SYNE3: variants seen among roughly 807,000 people sequenced by gnomAD.
SYNE3 encodes the protein spectrin repeat containing nuclear envelope family member 3, also known as nesprin-3.
Under a neutral mutation model 111.2 loss-of-function variants are expected in SYNE3, and 100 were observed. The observed-to-expected ratio is 0.90, with a 90% CI of 0.77 to 1.06. The LOEUF is 1.06. Ranked by LOEUF, SYNE3 falls within the 50% of genes least tolerant of loss-of-function variation. SYNE3 has a pLI of 0.00. For synonymous variants in SYNE3, 547 were observed against 533.9 expected (o/e 1.02, Z -0.34); for missense variants, 1,160 against 1,240.3 (o/e 0.94, Z 0.97).
In SYNE3 at chr14:95,409,205, C is replaced by G. The variant is rs1903368646; in HGVS notation, c.*8621G>C. 2.2e-6 allele frequency: 1 copy of G among 456,662 alleles called. No homozygotes were observed. Among genetic ancestry groups the G allele is most frequent in the Admixed American group, 2.3e-5 (1 of 42,576 alleles). 28.3% of individuals were successfully genotyped at this position (456,662 alleles called of 1,614,324 possible). A position where few individuals can be genotyped will look rare whatever the true frequency, so the allele number is the denominator to read the frequency against. On this transcript the variant is annotated 3_prime_UTR_variant, in exon 18 of 18. Transcript: ENST00000682763. ...GCCTGGGTACAAGTCCCAAATTTAC[C>G]ACTCCCCGCCTAGCTGGCTGCTCTG...
At position 95,413,452 on chromosome 14, in the gene SYNE3, G is replaced by A. The variant is rs1197331319; in HGVS notation, c.*4374C>T. 2.0e-5 allele frequency: 3 copies of A among 152,242 alleles called. No individual in the cohort carries two copies. Among genetic ancestry groups the A allele is most frequent in the Admixed American group, 2.0e-4 (3 of 15,280 alleles). 9.4% of individuals were successfully genotyped at this position (152,242 alleles called of 1,614,324 possible). On this transcript the variant is annotated 3_prime_UTR_variant, in exon 18 of 18. Transcript: ENST00000682763. ...CAGTCAGGCCTGGCTCCAGTCTAAT[G>A]GAAGAGATAAGATCCCCTCTTTACT...
rs1888156002 is a variant in SYNE3 at position 95,466,141 on chromosome 14, G to A, written c.417C>T (p.His139=). ...CCTTCAGGCCCAGCTGGAGCTCGATGTGGGGCTCCAGTGTGACCATCATCT... is the reference window on the plus strand; with the variant it reads ...CCTTCAGGCCCAGCTGGAGCTCGATATGGGGCTCCAGTGTGACCATCATCT... ...FQKMMVTLEP[H]IELQLGLKEK... Residue 139 remains histidine, a synonymous_variant, in exon 4 of 18, where the codon CAC becomes CAT. Coordinates refer to ENST00000682763, the MANE Select transcript of SYNE3 (RefSeq NM_152592.6). 2 of 1,612,224 alleles carry A rather than the reference G, an allele frequency of 1.2e-6. No individual in the cohort carries two copies. The highest frequency in any genetic ancestry group is 8.5e-7 in the Non-Finnish European group (1 of 1,178,482).
intron 1 of SYNE3, among the ~76,000 whole-genome samples, chr14:95,481,602 ACTTACCT>A (rs1167268576): frequency 6.6e-6 from 1 of 152,154 alleles, no homozygotes; most frequent in African/African-American, 2.4e-5. Context: ...CCAGCCGACT[ACTTACCT>A]CTGGTCCTGC....
At position 95,467,914 on chromosome 14, in the gene SYNE3, C is replaced by T. The variant is rs1888291080; in HGVS notation, c.198G>A (p.Arg66=). The T allele has an allele frequency of 6.2e-7, 1 of 1,614,186 alleles. No individual in the cohort carries two copies. Among genetic ancestry groups the T allele is most frequent in the Admixed American group, 1.7e-5 (1 of 60,032 alleles). ...EGRVRVDLVL[R]MAEALLACCP... ...AGCATGCCAAGAGGGCTTCAGCCAT[C>T]CGTAGCACGAGGTCCACCCTCACAC... The change falls in exon 3 of 18, where the codon CGG becomes CGA. Residue 66 remains arginine (R), a synonymous_variant. Transcript: ENST00000682763.
At chr14:95,497,641 G>C (rs1402866868) in intron 1 of SYNE3, among the ~76,000 whole-genome samples, 1 of 152,154 alleles carries the variant, frequency 6.6e-6, no homozygotes, top group Non-Finnish European at 1.5e-5. Flanking sequence ...TTCTGGAGAC[G>C]GTCAGAGAGC....
At chr14:95,493,933 C>A (rs1889964715) in intron 1 of SYNE3, among the ~76,000 whole-genome samples, 1 of 152,048 alleles carries the variant, frequency 6.6e-6, no homozygotes, top group Admixed American at 6.6e-5. Context: ...AATATTCATT[C>A]CTGTTTTATA....
Position 95,455,422 on chromosome 14 carries a change from T to G in SYNE3, c.1092A>C (p.Lys364Asn). 6.4e-7 allele frequency: 1 copy of G among 1,573,062 alleles called. No individual in the cohort carries two copies. Among genetic ancestry groups the G allele is most frequent in the African/African-American group, 1.4e-5 (1 of 73,346 alleles). ...LAQEGLQPAA[K>N]AGTEDELVAH... ...CCACCAGCTCGTCCTCGGTCCCCGC[T>G]TTCGCCGCAGGCTGCAGGCCCTCCT... Residue 364 changes from lysine (K) to asparagine (N), a missense_variant, in exon 6 of 18, where the codon AAA becomes AAC. Lys to Asn is a moderately conservative substitution (Grantham distance 94). Transcript: ENST00000682763.
rs144850938 is a variant in SYNE3, at chr14:95,426,564, C to T, written c.2727+5515G>A. 9.8e-3 allele frequency among the ~76,000 whole-genome samples: 1,498 copies of T among 152,188 alleles called. 25 individuals carry two copies. The highest frequency in any genetic ancestry group is 0.034 in the African/African-American group (1,391 of 41,488). On this transcript the variant is annotated intron_variant, in intron 17 of 17. Transcript: ENST00000682763. ...CACGTGTTCCCAGCACAGTGCCTGACACACAAGAGGGATTTTTGCAAAAAA... is the reference window on the plus strand; with the variant it reads ...CACGTGTTCCCAGCACAGTGCCTGATACACAAGAGGGATTTTTGCAAAAAA...
At chr14:95,503,253 C>T (rs748713845) in intron 1 of SYNE3, among the ~76,000 whole-genome samples, 1 of 152,226 alleles carries the variant, frequency 6.6e-6, no homozygotes, top group Non-Finnish European at 1.5e-5. Flanking sequence ...CCTCACCTAC[C>T]ATGCAGGGTA....
intron 1 of SYNE3, among the ~76,000 whole-genome samples, chr14:95,511,920 G>A (rs1182382923): frequency 6.6e-6 from 1 of 152,002 alleles, no homozygotes; most frequent in Non-Finnish European, 1.5e-5. Flanking sequence ...CCCTACGTGT[G>A]TGACCTCGGC....
chr14:95,503,890 G>T (rs1269421279), intron 1 of SYNE3, among the ~76,000 whole-genome samples: 1 of 152,050 alleles, frequency 6.6e-6, no homozygotes, highest in Non-Finnish European at 1.5e-5. Flanking sequence ...AAAGTGCTGG[G>T]TTCCAGGTGT....
Position 95,452,370 on chromosome 14 carries a change from G to T in SYNE3, c.1151C>A (p.Ala384Glu). 6.2e-7 allele frequency: 1 copy of T among 1,610,206 alleles called. No individual in the cohort carries two copies. ...HWRRYSATRA[A>E]LASEEPRVDR... ...CACCCGGGGCTCCTCCGAGGCCAGC[G>T]CCGCCCGTGTTGCCTGCAGCACATG... Residue 384 changes from alanine to glutamate, a missense_variant, in exon 7 of 18, where the codon GCG becomes GAG. Coordinates refer to ENST00000682763, the MANE Select transcript of SYNE3 (RefSeq NM_152592.6).
At chr14:95,479,847 G>A (rs79744112) in intron 1 of SYNE3, among the ~76,000 whole-genome samples, 5,162 of 152,234 alleles carry the variant, frequency 0.034, 116 homozygotes, top group Non-Finnish European at 0.053. Flanking sequence ...TGGAAGGGGC[G>A]GGTAGGAGAC....
At chr14:95,449,534 A>G in intron 8 of SYNE3, 1 of 985,452 alleles carries the variant, frequency 1.0e-6, no homozygotes, top group Non-Finnish European at 1.2e-6. Flanking sequence ...GACACCACTG[A>G]GCTGTGGCCT....
At chr14:95,489,209 A>G (rs1233954848) in intron 1 of SYNE3, among the ~76,000 whole-genome samples, 2 of 152,226 alleles carry the variant, frequency 1.3e-5, no homozygotes. Flanking sequence ...CAGAAGACAA[A>G]TGGAGTCACC....
rs1259727912 is a variant in SYNE3 at position 95,415,590 on chromosome 14, G to C, written c.*2236C>G. ...TAAGTTAAACTGAAGCAGCTTGAGGGAAGGAACTTGATGGAAGGATGGAGA... is the reference window on the plus strand; with the variant it reads ...TAAGTTAAACTGAAGCAGCTTGAGGCAAGGAACTTGATGGAAGGATGGAGA... On this transcript the variant is annotated 3_prime_UTR_variant, in exon 18 of 18. Transcript: ENST00000682763. 6.6e-6 allele frequency: 1 copy of C among 151,906 alleles called. No individual in the cohort carries two copies. The highest frequency in any genetic ancestry group is 2.4e-5 in the African/African-American group (1 of 41,306). The allele number at this position is 151,906 out of a possible 1,614,324, so 9.4% of individuals were successfully genotyped here.
chr14:95,471,746 T>G (rs8021292), intron 2 of SYNE3, among the ~76,000 whole-genome samples: 94,680 of 152,140 alleles, frequency 0.62, 29,785 homozygotes, highest in African/African-American at 0.73. Flanking sequence ...CTTGGCAAGG[T>G]CTGCGTGGCC....
intron 4 of SYNE3, among the ~76,000 whole-genome samples, chr14:95,463,405 C>T (rs956529838): frequency 5.3e-5 from 8 of 152,352 alleles, no homozygotes; most frequent in Admixed American, 2.0e-4. Context: ...TCCACCCTCA[C>T]GTACAAACAT....
rs564251914 is a variant in SYNE3 at position 95,444,631 on chromosome 14, GCA to G, written c.1633-5_1633-4del. The G allele has an allele frequency of 5.9e-3, 9,365 of 1,582,184 alleles. 30 individuals are homozygous for G. Among genetic ancestry groups the G allele is most frequent in the Non-Finnish European group, 7.5e-3 (8,690 of 1,161,444 alleles). Reference sequence around the variant, plus strand: ...TCTTTGTGCTGAGCGAGCAGGCTCTGCAGAGACACAGGACAGTGTGCACATTA... The same window carrying G: ...TCTTTGTGCTGAGCGAGCAGGCTCTGGAGACACAGGACAGTGTGCACATTA... On this transcript the variant is annotated splice_polypyrimidine_tract_variant and splice_region_variant and intron_variant, in intron 9 of 17. Coordinates refer to ENST00000682763, the MANE Select transcript of SYNE3 (RefSeq NM_152592.6).
Sources: gnomAD v4.1 joint callset for allele counts (sites outside exome capture counted in the v4.1 genomes callset) on GRCh38, gnomAD v4.1.1 for gene constraint, MANE v1.5 for transcripts, NCBI Gene and HGNC (gene_info 2026-07-23, HGNC 2026-07-21) for gene names.